Variants in THRB observed in about 807,000 individuals in gnomAD.
THRB encodes nuclear receptor subfamily 1 group A member 2.
In THRB, 12 loss-of-function variants were observed where a neutral mutation model predicts 47.8. That is an observed-to-expected ratio of 0.25 (90% CI 0.16 to 0.41). The LOEUF (loss-of-function observed/expected upper bound fraction) is 0.41. Among genes scored for constraint, THRB ranks in the 10% least tolerant of loss-of-function variants. The pLI is 1.00. For missense variants in THRB, 348 were observed against 589.2 expected (o/e 0.59, Z 4.24); for synonymous variants, 218 against 212.2 (o/e 1.03, Z -0.24).
chr3:24,249,669 C>T, intron 3 of THRB, among the ~76,000 whole-genome samples: 1 of 152,170 alleles, frequency 6.6e-6, no homozygotes, highest in East Asian at 1.9e-4. Context: ...AGGAGGAATA[C>T]TTAATACATT....
chr3:24,323,926 T>G (rs1033083802), intron 2 of THRB, among the ~76,000 whole-genome samples: 2 of 152,206 alleles, frequency 1.3e-5, no homozygotes, highest in African/African-American at 4.8e-5. Context: ...AGTCAAGGAT[T>G]AAACCATAAG....
chr3:24,413,955 GAT>G (rs2068538765), intron 1 of THRB, among the ~76,000 whole-genome samples: 1 of 151,840 alleles, frequency 6.6e-6, no homozygotes, highest in Admixed American at 6.6e-5. Context: ...AAACAGGAAA[GAT>G]AAAGATCACA....
chr3:24,442,023 C>T (rs1011354681), intron 1 of THRB, among the ~76,000 whole-genome samples: 2 of 152,096 alleles, frequency 1.3e-5, no homozygotes, highest in African/African-American at 4.8e-5. Context: ...TTAACTGTAA[C>T]TTTGTGGGCT....
rs112913751 is a variant in THRB at position 24,190,228 on chromosome 3, T to A, written c.129A>T (p.Ser43=). 9.3e-6 allele frequency: 15 copies of A among 1,614,108 alleles called. No individual in the cohort carries two copies. The Admixed American group carries it at 1.3e-4, about 14-fold the overall frequency. The change falls in exon 5 of 11, where the codon TCA becomes TCT. Residue 43 remains serine, a synonymous_variant. Transcript: ENST00000646209. ...SEACLHRKSH[S]ERRSTLKNEQ... ...CATTTTTCAACGTGCTGCGCCTCTC[T>A]GAATGGCTCTTCCTATGTAGGCAGG... is the stretch of plus-strand genomic sequence containing the variant.
intron 5 of THRB, among the ~76,000 whole-genome samples, chr3:24,177,540 TAAATAAGGCAGAACACAA>T (rs2041326122): frequency 6.6e-6 from 1 of 152,144 alleles, no homozygotes; most frequent in African/African-American, 2.4e-5. Flanking sequence ...AAGCCACAAT[TAAATAAGGCAGAACACAA>T]TGAATACTTG....
At chr3:24,326,640 G>A (rs559044835) in intron 2 of THRB, among the ~76,000 whole-genome samples, 2 of 151,902 alleles carry the variant, frequency 1.3e-5, no homozygotes, top group African/African-American at 4.8e-5. Flanking sequence ...ATTTGACAAC[G>A]TGTTTTCCCA....
intron 5 of THRB, among the ~76,000 whole-genome samples, chr3:24,186,207 C>T (rs2042553934): frequency 6.6e-6 from 1 of 152,152 alleles, no homozygotes; most frequent in South Asian, 2.1e-4. Flanking sequence ...CTGGGCCCCT[C>T]TCTAGAGATT....
At chr3:24,468,217 T>G (rs1237799690) in intron 1 of THRB, among the ~76,000 whole-genome samples, 2 of 152,226 alleles carry the variant, frequency 1.3e-5, no homozygotes, top group East Asian at 3.8e-4. Context: ...TGCTGTAGAT[T>G]AGGCTTTGGC....
At chr3:24,487,783 G>T (rs1282647155) in intron 1 of THRB, among the ~76,000 whole-genome samples, 1 of 152,194 alleles carries the variant, frequency 6.6e-6, no homozygotes, top group East Asian at 1.9e-4. Flanking sequence ...GTATGGACAT[G>T]CCAGTTGTTA....
At chr3:24,249,484 T>C (rs9863976) in intron 3 of THRB, among the ~76,000 whole-genome samples, 37,599 of 151,996 alleles carry the variant, frequency 0.25, 7,244 homozygotes, top group African/African-American at 0.53. Context: ...CCTTGCCACA[T>C]CACAAGAAAA....
intron 3 of THRB, among the ~76,000 whole-genome samples, chr3:24,284,805 T>C (rs1465081665): frequency 6.6e-6 from 1 of 151,740 alleles, no homozygotes; most frequent in Admixed American, 6.5e-5. Flanking sequence ...AGAAGACATT[T>C]ATGCAGCCAA....
chr3:24,156,359 T>C (rs555763533), intron 5 of THRB, among the ~76,000 whole-genome samples: 2 of 152,328 alleles, frequency 1.3e-5, no homozygotes, highest in East Asian at 3.9e-4. Flanking sequence ...GAAACACTGG[T>C]TCCTCTTGTC....
intron 3 of THRB, among the ~76,000 whole-genome samples, chr3:24,268,663 T>C (rs759361698): frequency 3.9e-4 from 60 of 152,204 alleles, no homozygotes; most frequent in Non-Finnish European, 6.3e-4. Context: ...TACCCATCCT[T>C]CCTTTCTCCT....
rs954764625 is a variant in THRB at position 24,160,764 on chromosome 3, G to A, written c.284-8274C>T. Among the ~76,000 whole-genome samples the A allele has an allele frequency of 3.9e-5, 6 of 152,196 alleles. No homozygotes were observed. The East Asian group carries it at 9.6e-4, about 24-fold the overall frequency. On this transcript the variant is annotated intron_variant, in intron 5 of 10. Transcript: ENST00000646209. The stretch of plus-strand genomic sequence containing the variant: ...GACTTCAGGCTGAATGCACTTGAGT[G>A]CTGAGAAAAAAGTGTTGTGCTTGAC...
intron 1 of THRB, among the ~76,000 whole-genome samples, chr3:24,445,679 GTAAATTAATATC>G (rs1214291376): frequency 6.6e-6 from 1 of 151,910 alleles, no homozygotes; most frequent in East Asian, 1.9e-4. Context: ...GAGTAGGTGT[GTAAATTAATATC>G]TTTGGCCACA....
chr3:24,464,102 C>T (rs9816324), intron 1 of THRB, among the ~76,000 whole-genome samples: 5,801 of 152,030 alleles, frequency 0.038, 316 homozygotes, highest in African/African-American at 0.13. Context: ...AAAAATTAGC[C>T]GGGCGAGGTG....
rs189381754 is a variant in THRB at position 24,187,999 on chromosome 3, G to C, written c.283+2075C>G. Among the ~76,000 whole-genome samples the C allele has an allele frequency of 8.5e-5, 13 of 152,220 alleles. No individual in the cohort carries two copies. In the East Asian group the frequency reaches 2.5e-3, roughly 29 times the overall value. The stretch of plus-strand genomic sequence containing the variant: ...AAAACATGGGAGAGTTATTTTAGCT[G>C]TTTTCCTGTTAATATTAGGATCTTG... On this transcript the variant is annotated intron_variant, in intron 5 of 10. Transcript: ENST00000646209.
intron 1 of THRB, among the ~76,000 whole-genome samples, chr3:24,395,988 T>C (rs760811087): frequency 3.9e-5 from 6 of 151,922 alleles, no homozygotes; most frequent in Non-Finnish European, 8.8e-5. Context: ...AGAGGTAGAG[T>C]GGGAGAAATG....
intron 3 of THRB, among the ~76,000 whole-genome samples, chr3:24,279,441 G>C (rs1212762388): frequency 1.3e-5 from 2 of 152,018 alleles, no homozygotes; most frequent in African/African-American, 4.8e-5. Flanking sequence ...TGGAGGTGCA[G>C]TGGTGCAATC....
Sources: gnomAD v4.1 joint callset for allele counts (sites outside exome capture counted in the v4.1 genomes callset) on GRCh38, gnomAD v4.1.1 for gene constraint, MANE v1.5 for transcripts, NCBI Gene and HGNC (gene_info 2026-07-23, HGNC 2026-07-21) for gene names.